Variants in CDH13 observed in about 807,000 individuals in gnomAD.
CDH13 encodes cadherin 13.
Under a neutral mutation model 63.8 loss-of-function variants are expected in CDH13, and 24 were observed. That is an observed-to-expected ratio of 0.38 (90% CI 0.27 to 0.53). CDH13 has a LOEUF of 0.53. CDH13 is among the 20% of genes least tolerant of loss of function. The pLI is 0.85. For missense variants in CDH13, 1,049 were observed against 903.1 expected (o/e 1.16, Z -2.07); for synonymous variants, 503 against 355.3 (o/e 1.42, Z -4.67).
At chr16:83,424,881 A>G (rs1341406176) in intron 6 of CDH13, among the ~76,000 whole-genome samples, 1 of 152,142 alleles carries the variant, frequency 6.6e-6, no homozygotes, top group Non-Finnish European at 1.5e-5. Flanking sequence ...CTACACTCAC[A>G]CAGACAAAGA....
At chr16:83,525,390 T>C (rs557409564) in intron 7 of CDH13, among the ~76,000 whole-genome samples, 1 of 152,364 alleles carries the variant, frequency 6.6e-6, no homozygotes, top group South Asian at 2.1e-4. Flanking sequence ...TTGCCTGTGG[T>C]CACATGGTTA....
chr16:83,095,762 G>A (rs1188412888), intron 3 of CDH13, among the ~76,000 whole-genome samples: 1 of 152,150 alleles, frequency 6.6e-6, no homozygotes, highest in East Asian at 1.9e-4. Flanking sequence ...TTAATGAGCA[G>A]TATGTTTTGC....
chr16:82,869,020 A>G (rs1438239782), intron 2 of CDH13, among the ~76,000 whole-genome samples: 1 of 152,176 alleles, frequency 6.6e-6, no homozygotes, highest in Non-Finnish European at 1.5e-5. Flanking sequence ...ATATTAATCT[A>G]TGTGTGATAA....
At chr16:83,157,618 G>A (rs1400492014) in intron 4 of CDH13, among the ~76,000 whole-genome samples, 3 of 152,072 alleles carry the variant, frequency 2.0e-5, no homozygotes, top group Non-Finnish European at 4.4e-5. Flanking sequence ...TGTCCGGCCG[G>A]GCGCGGTGGT....
intron 4 of CDH13, among the ~76,000 whole-genome samples, chr16:83,145,268 G>C (rs1407992289): frequency 2.6e-5 from 4 of 152,162 alleles, no homozygotes; most frequent in African/African-American, 7.2e-5. Flanking sequence ...CTCCCCTGTT[G>C]GCTGCTGATC....
intron 1 of CDH13, among the ~76,000 whole-genome samples, chr16:82,643,405 T>A (rs1231102217): frequency 1.3e-5 from 2 of 152,170 alleles, no homozygotes; most frequent in African/African-American, 4.8e-5. Flanking sequence ...TCCACCCTAC[T>A]GAGATCAGAA....
chr16:83,429,513 C>T (rs1051249218), intron 6 of CDH13, among the ~76,000 whole-genome samples: 1 of 149,752 alleles, frequency 6.7e-6, no homozygotes, highest in Non-Finnish European at 1.5e-5. Flanking sequence ...ACAATGAAGA[C>T]ACACACACAC....
At chr16:83,041,108 T>G (rs930816903) in intron 3 of CDH13, among the ~76,000 whole-genome samples, 2 of 152,208 alleles carry the variant, frequency 1.3e-5, no homozygotes, top group Non-Finnish European at 2.9e-5. Context: ...AAGTTCATTA[T>G]GAACAATTTA....
At chr16:82,847,567 C>T (rs9932314) in intron 1 of CDH13, among the ~76,000 whole-genome samples, 65,638 of 152,066 alleles carry the variant, frequency 0.43, 15,003 homozygotes, top group Non-Finnish European at 0.5. Flanking sequence ...ATTGGGTTTA[C>T]GTGATTACAT....
At chr16:83,236,587 GA>G (rs1009452361) in intron 5 of CDH13, among the ~76,000 whole-genome samples, 3 of 152,104 alleles carry the variant, frequency 2.0e-5, no homozygotes, top group African/African-American at 7.2e-5. Context: ...GGCTATTCTG[GA>G]AAAACAGTTC....
At chr16:83,719,465 G>T (rs72797297) in intron 10 of CDH13, among the ~76,000 whole-genome samples, 15,678 of 152,096 alleles carry the variant, frequency 0.1, 1,060 homozygotes, top group Non-Finnish European at 0.15. Context: ...GTGGACACAG[G>T]ATCCGTAGCC....
chr16:82,943,789 A>T (rs1904389667), intron 2 of CDH13, among the ~76,000 whole-genome samples: 1 of 152,230 alleles, frequency 6.6e-6, no homozygotes. Flanking sequence ...TAGTGTCTTG[A>T]TGCTTGAGGG....
chr16:83,043,509 G>GTGTGTGTGTGTGTGTGTT (rs1917510822), intron 3 of CDH13, among the ~76,000 whole-genome samples: 1 of 151,286 alleles, frequency 6.6e-6, no homozygotes, highest in African/African-American at 2.4e-5. Context: ...GTGTGTGTGT[G>GTGTGTGTGTGTGTGTGTT]TGTGTGTGTG....
intron 6 of CDH13, among the ~76,000 whole-genome samples, chr16:83,439,559 A>G (rs977784437): frequency 1.3e-5 from 2 of 152,204 alleles, no homozygotes; most frequent in Admixed American, 6.5e-5. Context: ...TTTAGGTAGG[A>G]CAGCCTAGGG....
At chr16:83,170,474 T>G (rs2037870232) in intron 4 of CDH13, among the ~76,000 whole-genome samples, 1 of 152,116 alleles carries the variant, frequency 6.6e-6, no homozygotes. Flanking sequence ...CTATGTTTCA[T>G]GAGGCAAAGC....
At chr16:83,422,051 G>A (rs1321513328) in intron 6 of CDH13, among the ~76,000 whole-genome samples, 5 of 152,016 alleles carry the variant, frequency 3.3e-5, no homozygotes, top group African/African-American at 1.2e-4. Context: ...TATTCATGTT[G>A]GTCTCAGTTT....
chr16:83,372,353 T>C (rs967988627), intron 6 of CDH13, among the ~76,000 whole-genome samples: 1 of 152,200 alleles, frequency 6.6e-6, no homozygotes, highest in Admixed American at 6.5e-5. Flanking sequence ...AGTTCTAACT[T>C]CATGTGTCAT....
At chr16:82,778,987 C>G (rs1253479354) in intron 1 of CDH13, among the ~76,000 whole-genome samples, 1 of 152,058 alleles carries the variant, frequency 6.6e-6, no homozygotes, top group Non-Finnish European at 1.5e-5. Context: ...TTAAATCAAT[C>G]TCAGATGGAA....
At chr16:83,091,929 G>A (rs976506512) in intron 3 of CDH13, among the ~76,000 whole-genome samples, 1 of 152,312 alleles carries the variant, frequency 6.6e-6, no homozygotes, top group South Asian at 2.1e-4. Flanking sequence ...ACACCTGTGT[G>A]CCTATAAATA....
Sources: gnomAD v4.1 joint callset for allele counts (sites outside exome capture counted in the v4.1 genomes callset) on GRCh38, gnomAD v4.1.1 for gene constraint, MANE v1.5 for transcripts, NCBI Gene and HGNC (gene_info 2026-07-23, HGNC 2026-07-21) for gene names.